The following SEMA3C variants were observed in gnomAD, a reference collection of about 807,000 sequenced individuals.
SEMA3C encodes the protein semaphorin 3C, also known as semaphorin-3C.
A neutral mutation model predicts 89.4 loss-of-function variants in SEMA3C; 47 were observed. That is an observed-to-expected ratio of 0.53 (90% CI 0.42 to 0.67). SEMA3C has a LOEUF of 0.67. Ranked by LOEUF, SEMA3C falls within the 30% of genes least tolerant of loss-of-function variation. SEMA3C has a pLI of 0.00. For missense variants in SEMA3C, 839 were observed against 929.1 expected (o/e 0.90, Z 1.26); for synonymous variants, 310 against 320.2 (o/e 0.97, Z 0.34).
intron 2 of SEMA3C, among the ~76,000 whole-genome samples, chr7:80,891,527 A>C (rs2116151438): frequency 6.7e-6 from 1 of 150,054 alleles, no homozygotes; most frequent in Middle Eastern, 3.5e-3. Context: ...AATGGTAACA[A>C]AAAAAAAAGT....
intron 2 of SEMA3C, among the ~76,000 whole-genome samples, chr7:80,896,548 G>A (rs539140366): frequency 8.5e-5 from 13 of 152,294 alleles, no homozygotes; most frequent in East Asian, 1.9e-4. Flanking sequence ...ATGAGATAAC[G>A]TAGAAAGGGA....
intron 2 of SEMA3C, among the ~76,000 whole-genome samples, chr7:80,866,651 C>T (rs1323757578): frequency 6.6e-6 from 1 of 152,130 alleles, no homozygotes; most frequent in Non-Finnish European, 1.5e-5. Context: ...GCTGTCTATG[C>T]ATTCCAAAGA....
intron 2 of SEMA3C, among the ~76,000 whole-genome samples, chr7:80,890,559 T>C (rs949567201): frequency 6.6e-6 from 1 of 152,196 alleles, no homozygotes; most frequent in African/African-American, 2.4e-5. Flanking sequence ...TACTTTCTAC[T>C]TTTTAAATCT....
chr7:80,867,838 C>T (rs551364482), intron 2 of SEMA3C, among the ~76,000 whole-genome samples: 2 of 152,056 alleles, frequency 1.3e-5, no homozygotes, highest in African/African-American at 4.8e-5. Context: ...CCAGGAGAGA[C>T]TACAAATTGA....
chr7:80,874,404 G>A lies in SEMA3C; in HGVS notation c.103+42275C>T, dbSNP rs150561322. On this transcript the variant is annotated intron_variant, in intron 2 of 17. Transcript: ENST00000265361. ...GTAATTGTTTTTACAGCAAGGGTACGACCTTTTCTATGTTCAATGCATTAT... is the reference window on the plus strand; with the variant it reads ...GTAATTGTTTTTACAGCAAGGGTACAACCTTTTCTATGTTCAATGCATTAT... Among the ~76,000 whole-genome samples the A allele has an allele frequency of 3.9e-5, 6 of 152,172 alleles. No homozygotes were observed. The East Asian group carries it at 5.8e-4, about 15-fold the overall frequency.
intron 15 of SEMA3C, among the ~76,000 whole-genome samples, chr7:80,751,545 C>A (rs1787936313): frequency 6.6e-6 from 1 of 151,970 alleles, no homozygotes; most frequent in Non-Finnish European, 1.5e-5. Flanking sequence ...GCTTTTCAAT[C>A]TGAGTAAGTT....
intron 2 of SEMA3C, among the ~76,000 whole-genome samples, chr7:80,878,911 T>C (rs1791264867): frequency 6.6e-6 from 1 of 152,082 alleles, no homozygotes. Flanking sequence ...TAGGAAATGA[T>C]GTGAAAGAAT....
intron 12 of SEMA3C, among the ~76,000 whole-genome samples, chr7:80,783,258 T>A (rs1279608472): frequency 6.6e-6 from 1 of 152,168 alleles, no homozygotes; most frequent in East Asian, 1.9e-4. Flanking sequence ...CAGGGCTATG[T>A]TCTTTTCTTT....
intron 9 of SEMA3C, among the ~76,000 whole-genome samples, chr7:80,802,136 G>A (rs761727649): frequency 5.3e-5 from 8 of 151,886 alleles, no homozygotes; most frequent in Non-Finnish European, 2.9e-5. Context: ...GTCCTTATTC[G>A]ACCTGGAAAG....
intron 2 of SEMA3C, among the ~76,000 whole-genome samples, chr7:80,892,548 T>TAA (rs1222251865): frequency 6.6e-6 from 1 of 151,906 alleles, no homozygotes; most frequent in African/African-American, 2.4e-5. Context: ...AAAGAAAATT[T>TAA]AAAAAAACAA....
rs1185487098 is a variant in SEMA3C at position 80,804,213 on chromosome 7, C to A, written c.694G>T (p.Gly232Cys). 1 of 1,609,406 alleles carries A rather than the reference C, an allele frequency of 6.2e-7. No homozygotes were observed. The highest frequency in any genetic ancestry group is 2.2e-5 in the East Asian group (1 of 44,620). Residue 232 changes from glycine to cysteine, a missense_variant, in exon 8 of 18, where the codon GGT (glycine) becomes TGT (cysteine). Transcript: ENST00000265361. ...ACCTTAGCATCATTTGGATCAGTAC[C>A]ATCTGGGATGACATGTGCATCTACA... ...MFVDAHVIPD[G>C]TDPNDAKVYF...
Position 80,789,445 on chromosome 7 carries a change from A to G in SEMA3C, c.1215T>C (p.Pro405=). ...DDVVTFIRNH[P]LMYNSIYPIH... is the part of the protein sequence containing the mutation. ...TTGGGTAGATGGAATTGTACATGAG[A>G]GGATGGTTCCGAATAAAAGTGACAA... Residue 405 remains proline, a synonymous_variant, in exon 12 of 18, where the codon CCT becomes CCC. Transcript: ENST00000265361. 3 of 1,614,110 alleles carry G rather than the reference A, an allele frequency of 1.9e-6. No individual in the cohort carries two copies. The highest frequency in any genetic ancestry group is 2.5e-6 in the Non-Finnish European group (3 of 1,179,994).
chr7:80,753,239 T>C (rs1440528443), intron 15 of SEMA3C, among the ~76,000 whole-genome samples: 2 of 152,186 alleles, frequency 1.3e-5, no homozygotes, highest in Admixed American at 6.5e-5. Context: ...ATTAATATGG[T>C]AGTGTATTCT....
chr7:80,827,288 G>T, intron 4 of SEMA3C, 137 bp downstream of exon 4: 1 of 836,800 alleles, frequency 1.2e-6, no homozygotes, highest in Admixed American at 3.6e-5. Flanking sequence ...CAAGGTTTAG[G>T]TTTTTAGCCT....
At chr7:80,854,576 T>C (rs1201695626) in intron 2 of SEMA3C, among the ~76,000 whole-genome samples, 2 of 152,096 alleles carry the variant, frequency 1.3e-5, no homozygotes, top group Non-Finnish European at 2.9e-5. Context: ...ATTGTGAGAG[T>C]CACCTGGGGT....
chr7:80,750,459 T>C lies in SEMA3C; in HGVS notation c.1711+810A>G, dbSNP rs1301924657. On this transcript the variant is annotated intron_variant, in intron 16 of 17. Transcript: ENST00000265361. ...ACATATATATATATATATATATATA[T>C]ATATATATATATATACACACACACA... Among the ~76,000 whole-genome samples the C allele has an allele frequency of 5.9e-4, 42 of 71,464 alleles. 2 individuals carry two copies. The highest frequency in any genetic ancestry group is 1.8e-3 in the African/African-American group (35 of 19,474). The allele number at this position is 71,464 out of a possible 152,430, so 46.9% of individuals were successfully genotyped here. A position where few individuals can be genotyped will look rare whatever the true frequency, so the allele number is the denominator to read the frequency against.
intron 2 of SEMA3C, among the ~76,000 whole-genome samples, chr7:80,907,805 G>T (rs1294869695): frequency 6.6e-6 from 1 of 151,878 alleles, no homozygotes; most frequent in Non-Finnish European, 1.5e-5. Flanking sequence ...TTTTTCTTCT[G>T]CTTGAGTTAT....
intron 9 of SEMA3C, among the ~76,000 whole-genome samples, chr7:80,801,431 G>T (rs12673477): frequency 0.34 from 50,866 of 151,596 alleles, 8,800 homozygotes; most frequent in East Asian, 0.51. Flanking sequence ...TTAAAGTGTA[G>T]TAAGGCAAAA....
intron 11 of SEMA3C, among the ~76,000 whole-genome samples, chr7:80,791,030 G>C (rs1788928242): frequency 6.6e-6 from 1 of 151,974 alleles, no homozygotes; most frequent in African/African-American, 2.4e-5. Context: ...TTTGGTGCCG[G>C]GTCTGTATGA....
Sources: gnomAD v4.1 joint callset for allele counts (sites outside exome capture counted in the v4.1 genomes callset) on GRCh38, gnomAD v4.1.1 for gene constraint, MANE v1.5 for transcripts, NCBI Gene and HGNC (gene_info 2026-07-23, HGNC 2026-07-21) for gene names.